The following DGKB variants were observed in gnomAD, a reference collection of about 807,000 sequenced individuals.
DGKB encodes 90 kDa diacylglycerol kinase.
In DGKB, 67 loss-of-function variants were observed where a neutral mutation model predicts 114.3. The ratio of observed to expected loss-of-function variants is 0.59; its 90% confidence interval spans 0.48 to 0.72. The LOEUF (loss-of-function observed/expected upper bound fraction) is 0.72. Ranked by LOEUF, DGKB falls within the 30% of genes least tolerant of loss-of-function variation. The probability of loss-of-function intolerance (pLI) is 0.00; values close to 1 mark genes in which losing one functional copy is unlikely to be tolerated. For synonymous variants in DGKB, 398 were observed against 323.1 expected, an observed-to-expected ratio of 1.23 and a Z score of -2.49; for missense variants, 907 against 975.2, an observed-to-expected ratio of 0.93 and a Z score of 0.93.
intron 8 of DGKB, among the ~76,000 whole-genome samples, chr7:14,697,364 T>C (rs1009866686): frequency 1.3e-5 from 2 of 152,130 alleles, no homozygotes; most frequent in Non-Finnish European, 2.9e-5. Flanking sequence ...ATATAACATA[T>C]ACACAAGGTA....
At chr7:14,904,532 A>G (rs1783568718), upstream of DGKB, among the ~76,000 whole-genome samples, 1 of 152,200 alleles carries the variant, frequency 6.6e-6, no homozygotes, top group Non-Finnish European at 1.5e-5. Context: ...TGATGTGTTT[A>G]TACTGCCTTT....
intron 1 of DGKB, among the ~76,000 whole-genome samples, chr7:14,897,923 T>A (rs1026815396): frequency 1.3e-5 from 2 of 152,022 alleles, no homozygotes; most frequent in Middle Eastern, 3.2e-3. Context: ...TTAAAAGAAG[T>A]GTTTATTAAG....
chr7:14,961,252 T>C (rs1786827331), intron 1 of DGKB, among the ~76,000 whole-genome samples: 1 of 152,178 alleles, frequency 6.6e-6, no homozygotes, highest in South Asian at 2.1e-4. Context: ...TTTTATTTTT[T>C]TCCACATAAT....
rs537266866 is a variant in DGKB at position 14,373,525 on chromosome 7, T to C, written c.1836-28134A>G. Among the ~76,000 whole-genome samples, 225 of 152,300 alleles carry C rather than the reference T, an allele frequency of 1.5e-3. 1 individual carries two copies. Among genetic ancestry groups the C allele is most frequent in the Middle Eastern group, 0.01 (3 of 294 alleles). ...CTGAGTTCAGTAATTAAAATGCTAG[T>C]CTCATCAAAGCTCTGAATCTAATTT... On this transcript the variant is annotated intron_variant, in intron 21 of 25. Coordinates refer to ENST00000402815, the MANE Select transcript of DGKB (RefSeq NM_001350709.2).
chr7:14,420,128 T>C (rs1300928841), intron 21 of DGKB, among the ~76,000 whole-genome samples: 3 of 151,908 alleles, frequency 2.0e-5, no homozygotes, highest in African/African-American at 4.8e-5. Context: ...AGAAAACTGG[T>C]GTTTAAAAGA....
intron 23 of DGKB, among the ~76,000 whole-genome samples, chr7:14,216,978 A>G (rs1277207642): frequency 1.3e-5 from 2 of 152,110 alleles, no homozygotes; most frequent in African/African-American, 4.8e-5. Context: ...AACAAGAAAA[A>G]TGTACAAATA....
At chr7:14,803,235 C>T (rs1051854289) in intron 2 of DGKB, among the ~76,000 whole-genome samples, 3 of 152,014 alleles carry the variant, frequency 2.0e-5, no homozygotes, top group African/African-American at 7.2e-5. Context: ...AGTCACAGCA[C>T]CAGTCTTGAG....
intron 23 of DGKB, among the ~76,000 whole-genome samples, chr7:14,289,770 A>G (rs1458925010): frequency 6.8e-6 from 1 of 147,444 alleles, no homozygotes; most frequent in Non-Finnish European, 1.5e-5. Flanking sequence ...AAAACACAAA[A>G]CCCTAATGAA....
At chr7:14,746,101 G>A (rs1046942228) in intron 4 of DGKB, among the ~76,000 whole-genome samples, 11 of 152,164 alleles carry the variant, frequency 7.2e-5, no homozygotes, top group African/African-American at 2.7e-4. Context: ...CACTTTGGGA[G>A]GCTGAGGCAG....
chr7:14,487,907 C>T (rs1401442828), intron 20 of DGKB, among the ~76,000 whole-genome samples: 3 of 151,850 alleles, frequency 2.0e-5, no homozygotes, highest in African/African-American at 7.3e-5. Context: ...AGGCAATGTG[C>T]CTGGCAAAAA....
At chr7:14,859,452 T>G (rs995101636) in intron 1 of DGKB, among the ~76,000 whole-genome samples, 1 of 151,940 alleles carries the variant, frequency 6.6e-6, no homozygotes, top group African/African-American at 2.4e-5. Context: ...GATAAGAAAA[T>G]GACTTCAAAA....
chr7:14,223,082 C>G (rs76045204), intron 23 of DGKB, among the ~76,000 whole-genome samples: 7,821 of 151,592 alleles, frequency 0.052, 278 homozygotes, highest in Non-Finnish European at 0.078. Context: ...TTTTCCTCCC[C>G]ATTCTGACAA....
intron 2 of DGKB, among the ~76,000 whole-genome samples, chr7:14,777,213 C>T (rs577492618): frequency 9.2e-5 from 14 of 152,184 alleles, no homozygotes; most frequent in Admixed American, 1.3e-4. Flanking sequence ...ATTTTATAGG[C>T]TCATAAGCAA....
At chr7:14,661,263 A>G (rs1817006235) in intron 13 of DGKB, among the ~76,000 whole-genome samples, 1 of 147,546 alleles carries the variant, frequency 6.8e-6, no homozygotes, top group South Asian at 2.2e-4. Context: ...CTGAGTGAAC[A>G]GGCAACCTAC....
At chr7:14,806,671 C>T (rs537719500) in intron 2 of DGKB, among the ~76,000 whole-genome samples, 1 of 152,144 alleles carries the variant, frequency 6.6e-6, no homozygotes, top group South Asian at 2.1e-4. Context: ...TACCTTGTAA[C>T]AGTCACATCT....
At chr7:14,250,765 T>A (rs1279568462) in intron 23 of DGKB, among the ~76,000 whole-genome samples, 5 of 152,196 alleles carry the variant, frequency 3.3e-5, no homozygotes, top group Non-Finnish European at 7.3e-5. Context: ...GTGGTTTATT[T>A]CTCCTTTCAG....
intron 2 of DGKB, among the ~76,000 whole-genome samples, chr7:14,766,431 A>C (rs1325404460): frequency 6.6e-6 from 1 of 151,860 alleles, no homozygotes; most frequent in Non-Finnish European, 1.5e-5. Context: ...GTAATGTGTC[A>C]AGAGTCCCAG....
intron 9 of DGKB, among the ~76,000 whole-genome samples, chr7:14,693,495 C>A (rs1009650505): frequency 6.6e-6 from 1 of 151,466 alleles, no homozygotes; most frequent in African/African-American, 2.4e-5. Context: ...TTTTGACAGG[C>A]GATAGAATAA....
intron 23 of DGKB, among the ~76,000 whole-genome samples, chr7:14,281,140 G>A (rs1360259538): frequency 6.7e-6 from 1 of 149,508 alleles, no homozygotes; most frequent in East Asian, 2.0e-4. Flanking sequence ...GACACACATA[G>A]GCTCAAAATA....
Sources: gnomAD v4.1 joint callset for allele counts (sites outside exome capture counted in the v4.1 genomes callset) on GRCh38, gnomAD v4.1.1 for gene constraint, MANE v1.5 for transcripts, NCBI Gene and HGNC (gene_info 2026-07-23, HGNC 2026-07-21) for gene names.